The following DPP6 variants were observed in gnomAD, a reference collection of about 807,000 sequenced individuals.
DPP6 encodes A-type potassium channel modulatory protein DPP6.
In DPP6, 69 loss-of-function variants were observed where a neutral mutation model predicts 122.6. That is an observed-to-expected ratio of 0.56 (90% CI 0.46 to 0.69). DPP6 has a LOEUF of 0.69. Ranked by LOEUF, DPP6 falls within the 30% of genes least tolerant of loss-of-function variation. The pLI is 0.00. For synonymous variants in DPP6, 418 were observed against 433.1 expected (o/e 0.97, Z 0.43); for missense variants, 928 against 1,116.9 (o/e 0.83, Z 2.41).
At chr7:153,952,904 C>T (rs1802286924) in intron 1 of DPP6, among the ~76,000 whole-genome samples, 1 of 152,180 alleles carries the variant, frequency 6.6e-6, no homozygotes, top group East Asian at 1.9e-4. Context: ...AAAGGCTTAC[C>T]ATAGAAAGCT....
At chr7:154,044,619 T>G (rs1485832519) in intron 1 of DPP6, among the ~76,000 whole-genome samples, 7 of 152,194 alleles carry the variant, frequency 4.6e-5, no homozygotes, top group Admixed American at 2.0e-4. Context: ...CATCAACTCG[T>G]TTTTTAAATT....
chr7:154,207,257 G>A (rs117879449), intron 1 of DPP6, among the ~76,000 whole-genome samples: 1 of 152,278 alleles, frequency 6.6e-6, no homozygotes, highest in East Asian at 1.9e-4. Context: ...CCCAATCATA[G>A]GCATTTCCTG....
In DPP6 at chr7:154,843,368, CA is replaced by C. The variant is rs559986266; in HGVS notation, c.1667-10411del. ...AGACTAGACCTAAACATAAAGATAC[CA>C]GAGATATTGGCTGGGAAAAAAACAG... On this transcript the variant is annotated intron_variant, in intron 16 of 25. Coordinates refer to ENST00000377770, the MANE Select transcript of DPP6 (RefSeq NM_130797.4). 7.2e-4 allele frequency among the ~76,000 whole-genome samples: 109 copies of C among 152,262 alleles called. 1 individual carries two copies. Among genetic ancestry groups the C allele is most frequent in the Admixed American group, 2.6e-3 (40 of 15,294 alleles).
At position 154,871,311 on chromosome 7, in the gene DPP6, G is replaced by C. The variant is rs556493459; in HGVS notation, c.1814-1313G>C. On this transcript the variant is annotated intron_variant, in intron 18 of 25. Coordinates refer to ENST00000377770, the MANE Select transcript of DPP6 (RefSeq NM_130797.4). ...TGTCCAGCAGGGGGTTTCCTTAAAA[G>C]GTGGGTGGGTACAGATGCCAGGAGA... 1.5e-3 allele frequency among the ~76,000 whole-genome samples: 232 copies of C among 152,298 alleles called. 4 individuals are homozygous for C. The highest frequency in any genetic ancestry group is 0.013 in the Admixed American group (201 of 15,304).
intron 1 of DPP6, among the ~76,000 whole-genome samples, chr7:154,020,719 A>G (rs1798656679): frequency 6.6e-6 from 1 of 152,168 alleles, no homozygotes; most frequent in African/African-American, 2.4e-5. Context: ...TCCAGCCCCA[A>G]AACAGATCAG....
chr7:153,846,136 ATCT>A, the DPP6 span, among the ~76,000 whole-genome samples: 1 of 152,226 alleles, frequency 6.6e-6, no homozygotes, highest in Non-Finnish European at 1.5e-5. Flanking sequence ...GGTGCCCCAC[ATCT>A]TCGTCAACAT....
chr7:154,650,761 C>T (rs1014808035), intron 6 of DPP6, among the ~76,000 whole-genome samples: 3 of 152,128 alleles, frequency 2.0e-5, no homozygotes, highest in Admixed American at 6.6e-5. Flanking sequence ...AGATAAAATT[C>T]GTGTTTCTGC....
In DPP6 at chr7:154,821,740, A is replaced by C. The variant is rs973970942; in HGVS notation, c.1666+14628A>C. 4.0e-5 allele frequency among the ~76,000 whole-genome samples: 6 copies of C among 151,050 alleles called. No individual in the cohort carries two copies. The highest frequency in any genetic ancestry group is 7.3e-5 in the African/African-American group (3 of 41,126). ...TACAGAAAAAACATGGTGTTTTGTT[A>C]GTATTAAAATGTTTCCTCAAGTCAA... On this transcript the variant is annotated intron_variant, in intron 16 of 25. Transcript: ENST00000377770. The surrounding 1 kb of genome is among the most constrained non-coding windows in gnomAD (Gnocchi z 4.2).
chr7:153,843,223 TACACGCACATAC>T, the DPP6 span, among the ~76,000 whole-genome samples: 6 of 151,002 alleles, frequency 4.0e-5, no homozygotes, highest in African/African-American at 7.3e-5. Context: ...CACAAATGCA[TACACGCACATAC>T]ACACGCACAT....
chr7:154,084,833 CA>C (rs1305035628), intron 1 of DPP6, among the ~76,000 whole-genome samples: 1 of 150,342 alleles, frequency 6.7e-6, no homozygotes, highest in South Asian at 2.1e-4. Flanking sequence ...ACTAAAAATA[CA>C]AAAAAATTAG....
At chr7:154,143,877 A>G (rs764604762) in intron 1 of DPP6, among the ~76,000 whole-genome samples, 31 of 152,100 alleles carry the variant, frequency 2.0e-4, no homozygotes, top group Non-Finnish European at 3.5e-4. Context: ...TTTTGTACAT[A>G]TATCTTTGTA....
rs79562215 is a variant in DPP6, at chr7:154,511,735, A to G, written c.458-28797A>G. 2.8e-3 allele frequency among the ~76,000 whole-genome samples: 434 copies of G among 152,362 alleles called. 4 individuals are homozygous for G. Among genetic ancestry groups the G allele is most frequent in the Non-Finnish European group, 4.7e-3 (321 of 68,024 alleles). On this transcript the variant is annotated intron_variant, in intron 3 of 25. Coordinates refer to ENST00000377770, the MANE Select transcript of DPP6 (RefSeq NM_130797.4). Reference sequence around the variant, plus strand: ...TCCTGGTAACACCTAATTGTAAGCCATACAAATACTCCATTTTCCTAACTT... The same window carrying G: ...TCCTGGTAACACCTAATTGTAAGCCGTACAAATACTCCATTTTCCTAACTT...
At chr7:153,858,813 TA>T in the DPP6 span, among the ~76,000 whole-genome samples, 1 of 152,174 alleles carries the variant, frequency 6.6e-6, no homozygotes, top group South Asian at 2.1e-4. Context: ...GAACATGGCT[TA>T]ATATGGTGAA....
intron 1 of DPP6, among the ~76,000 whole-genome samples, chr7:154,378,503 A>C (rs766268355): frequency 2.0e-5 from 3 of 152,204 alleles, no homozygotes; most frequent in Non-Finnish European, 2.9e-5. Flanking sequence ...GTTCAAGATC[A>C]AGGTGCCCAC....
intron 10 of DPP6, among the ~76,000 whole-genome samples, chr7:154,789,061 G>A (rs763222134): frequency 6.6e-5 from 10 of 151,950 alleles, no homozygotes; most frequent in Admixed American, 1.3e-4. Flanking sequence ...TCACAGTTCC[G>A]CACCTCAGGA....
At chr7:154,193,796 A>T (rs2150770715) in intron 1 of DPP6, among the ~76,000 whole-genome samples, 1 of 152,192 alleles carries the variant, frequency 6.6e-6, no homozygotes. Context: ...GTATGGAAAT[A>T]GGAAGAAAGC....
At chr7:154,389,471 A>G (rs191757030) in intron 1 of DPP6, among the ~76,000 whole-genome samples, 65 of 152,292 alleles carry the variant, frequency 4.3e-4, no homozygotes, top group African/African-American at 1.6e-3. Context: ...TCACTGCTGA[A>G]AAAAATCAGT....
At chr7:154,178,037 T>A (rs1161811598) in intron 1 of DPP6, among the ~76,000 whole-genome samples, 1 of 152,124 alleles carries the variant, frequency 6.6e-6, no homozygotes, top group Non-Finnish European at 1.5e-5. Context: ...GTGGTTTCAC[T>A]CCTTTCACCA....
the DPP6 span, among the ~76,000 whole-genome samples, chr7:153,856,220 A>G: frequency 6.6e-6 from 1 of 152,204 alleles, no homozygotes; most frequent in African/African-American, 2.4e-5. Flanking sequence ...AACTGGTTAC[A>G]AAGACTACCA....
Sources: gnomAD v4.1 joint callset for allele counts (sites outside exome capture counted in the v4.1 genomes callset) on GRCh38, gnomAD v4.1.1 for gene constraint, Gnocchi (gnomAD v3.1) non-coding constraint, MANE v1.5 for transcripts, NCBI Gene and HGNC (gene_info 2026-07-23, HGNC 2026-07-21) for gene names.